ZNF385D: variants seen among roughly 807,000 people sequenced by gnomAD.
The protein encoded by ZNF385D is zinc finger protein 385D.
Under a neutral mutation model 35.8 loss-of-function variants are expected in ZNF385D, and 15 were observed. That is an observed-to-expected ratio of 0.42 (90% CI 0.28 to 0.64). ZNF385D has a LOEUF of 0.64. ZNF385D is among the 30% of genes least tolerant of loss of function. The pLI is 0.23. For missense variants in ZNF385D, 474 were observed against 494.6 expected, an observed-to-expected ratio of 0.96 and a Z score of 0.39; for synonymous variants, 212 against 186.8, an observed-to-expected ratio of 1.13 and a Z score of -1.10.
intron 3 of ZNF385D, among the ~76,000 whole-genome samples, chr3:22,032,469 A>T (rs78070968): frequency 6.6e-6 from 1 of 152,140 alleles, no homozygotes; most frequent in African/African-American, 2.4e-5. Flanking sequence ...TATGCCCATG[A>T]TCTAATCACC....
intron 3 of ZNF385D, among the ~76,000 whole-genome samples, chr3:21,953,434 A>C (rs1178188630): frequency 6.6e-6 from 1 of 151,982 alleles, no homozygotes; most frequent in Non-Finnish European, 1.5e-5. Flanking sequence ...TATATTCCTT[A>C]TGCTATATTT....
At chr3:21,765,982 T>G (rs564442832) in intron 3 of ZNF385D, among the ~76,000 whole-genome samples, 3 of 152,078 alleles carry the variant, frequency 2.0e-5, no homozygotes, top group Non-Finnish European at 4.4e-5. Context: ...CATGGTCAAG[T>G]ATTGTATACC....
chr3:21,573,359 A>G (rs547052555), intron 2 of ZNF385D, among the ~76,000 whole-genome samples: 1 of 152,342 alleles, frequency 6.6e-6, no homozygotes, highest in African/African-American at 2.4e-5. Context: ...TAAAATAACA[A>G]GATTATGGTT....
intron 1 of ZNF385D, among the ~76,000 whole-genome samples, chr3:21,703,306 G>A (rs1055615761): frequency 6.6e-5 from 10 of 152,076 alleles, no homozygotes; most frequent in South Asian, 6.2e-4. Flanking sequence ...TCACTATCAC[G>A]AGAATAGCAT....
At chr3:22,197,705 A>G (rs563449389) in intron 2 of ZNF385D, among the ~76,000 whole-genome samples, 2 of 152,216 alleles carry the variant, frequency 1.3e-5, no homozygotes, top group African/African-American at 2.4e-5. Context: ...TGCTCTGCTT[A>G]TAATAGCAGC....
In ZNF385D at chr3:21,564,669, T is replaced by G. The variant is rs754046319; in HGVS notation, c.181A>C (p.Lys61Gln). Reference sequence around the variant, plus strand: ...CCGAATGTATGGTTTATTACAGCTTTCTGAATCGGGTCCATCTGTAATGAG... The same window carrying G: ...CCGAATGTATGGTTTATTACAGCTTGCTGAATCGGGTCCATCTGTAATGAG... ...PNFNAMDPIQ[K>Q]AVINHTFGVP... The change falls in exon 3 of 8, where the codon AAA (lysine) becomes CAA (glutamine). Residue 61 changes from lysine (K) to glutamine (Q), a missense_variant. By Grantham distance (53) the Lys-to-Gln change is moderately conservative (BLOSUM62 1). Coordinates refer to ENST00000281523, the MANE Select transcript of ZNF385D (RefSeq NM_024697.3). The G allele has an allele frequency of 1.6e-5, 25 of 1,571,858 alleles. No homozygotes were observed. The highest frequency in any genetic ancestry group is 2.2e-5 in the Non-Finnish European group (25 of 1,159,846).
chr3:21,787,873 C>T (rs527251723), intron 3 of ZNF385D, among the ~76,000 whole-genome samples: 5 of 138,078 alleles, frequency 3.6e-5, no homozygotes, highest in Non-Finnish European at 6.1e-5. Context: ...ACCCGGGAGG[C>T]GGAGCTTGCA....
At chr3:21,826,351 C>T (rs1694626196) in intron 3 of ZNF385D, among the ~76,000 whole-genome samples, 2 of 152,166 alleles carry the variant, frequency 1.3e-5, no homozygotes, top group Non-Finnish European at 2.9e-5. Context: ...ATATTACTTA[C>T]GTTTCCAGCA....
chr3:21,873,165 A>G (rs1431634074), intron 3 of ZNF385D, among the ~76,000 whole-genome samples: 2 of 152,190 alleles, frequency 1.3e-5, no homozygotes, highest in Non-Finnish European at 2.9e-5. Context: ...TGATGGAAAG[A>G]TAAAGCTATG....
At chr3:21,834,248 C>T (rs948931959) in intron 3 of ZNF385D, among the ~76,000 whole-genome samples, 3 of 152,072 alleles carry the variant, frequency 2.0e-5, no homozygotes, top group African/African-American at 7.2e-5. Flanking sequence ...ACCCAGTCCA[C>T]GAGACTCAGA....
chr3:22,348,367 G>T lies in ZNF385D; in HGVS notation c.106+24083C>A, dbSNP rs1051624685. ...TAACCTTATAAGAAGGGGAAAGTAG[G>T]CTGGGTGCCGTGGCTCATGCCTGTA... On this transcript the variant is annotated intron_variant, in intron 2 of 5. Transcript: ENST00000494108. Among the ~76,000 whole-genome samples the T allele has an allele frequency of 4.6e-5, 7 of 151,812 alleles. No individual in the cohort carries two copies. In the South Asian group the frequency reaches 1.0e-3, roughly 23 times the overall value.
intron 3 of ZNF385D, among the ~76,000 whole-genome samples, chr3:21,914,245 T>C (rs541749759): frequency 6.6e-6 from 1 of 152,252 alleles, no homozygotes; most frequent in African/African-American, 2.4e-5. Flanking sequence ...ATTTTAATTT[T>C]CTTGAAGGGG....
At chr3:22,143,536 A>G (rs932244127) in intron 3 of ZNF385D, among the ~76,000 whole-genome samples, 25 of 152,148 alleles carry the variant, frequency 1.6e-4, no homozygotes, top group African/African-American at 6.0e-4. Context: ...CTATTGATTC[A>G]TACACACACT....
intron 3 of ZNF385D, among the ~76,000 whole-genome samples, chr3:21,881,379 C>G (rs925397369): frequency 6.6e-6 from 1 of 151,972 alleles, no homozygotes; most frequent in African/African-American, 2.4e-5. Context: ...GATGCTAAAT[C>G]TACTCCACCT....
At chr3:22,300,305 A>C (rs1324217902) in intron 2 of ZNF385D, among the ~76,000 whole-genome samples, 1 of 151,970 alleles carries the variant, frequency 6.6e-6, no homozygotes, top group Admixed American at 6.6e-5. Flanking sequence ...TAGATTAAAG[A>C]CTTAAGTGTA....
chr3:21,910,879 T>A (rs977706643), intron 3 of ZNF385D, among the ~76,000 whole-genome samples: 2 of 151,912 alleles, frequency 1.3e-5, no homozygotes, highest in Admixed American at 1.3e-4. Context: ...TTAAATTTAG[T>A]TTTTGAATTT....
At chr3:22,162,977 T>C (rs1576426752) in intron 3 of ZNF385D, among the ~76,000 whole-genome samples, 1 of 152,142 alleles carries the variant, frequency 6.6e-6, no homozygotes, top group Non-Finnish European at 1.5e-5. Context: ...CAGGACATAG[T>C]AGAGAGTGAG....
chr3:22,184,664 T>A (rs1695508081), intron 2 of ZNF385D, among the ~76,000 whole-genome samples: 2 of 152,026 alleles, frequency 1.3e-5, no homozygotes, highest in Admixed American at 6.6e-5. Context: ...TGTCTCTACT[T>A]ACAAACACAA....
rs2066086101 is a variant in ZNF385D, at chr3:21,656,846, G to A, written c.165+8040C>T. 2.6e-5 allele frequency among the ~76,000 whole-genome samples: 4 copies of A among 151,932 alleles called. No homozygotes were observed. The South Asian group carries it at 6.2e-4, about 24-fold the overall frequency. On this transcript the variant is annotated intron_variant, in intron 2 of 7. Coordinates refer to ENST00000281523, the MANE Select transcript of ZNF385D (RefSeq NM_024697.3). ...CTAAAATATTCTTTCATTTTAACAT[G>A]TCTATGTCTAAGTGTGGAGTAGAGG...
Sources: allele counts gnomAD v4.1 joint callset (sites outside exome capture counted in the v4.1 genomes callset), GRCh38; gene constraint gnomAD v4.1.1; transcripts MANE v1.5; gene names NCBI Gene and HGNC (gene_info 2026-07-23, HGNC 2026-07-21).